PLEKHA5: variants seen among roughly 807,000 people sequenced by gnomAD.
PLEKHA5 encodes pleckstrin homology domain containing A5.
Under a neutral mutation model 181.9 loss-of-function variants are expected in PLEKHA5, and 55 were observed. The ratio of observed to expected loss-of-function variants is 0.30; its 90% CI spans 0.24 to 0.38. The LOEUF is 0.38. Among genes scored for constraint, PLEKHA5 ranks in the 10% least tolerant of loss-of-function variants. The pLI, the probability that PLEKHA5 is intolerant of heterozygous loss-of-function variation, is 1.00. For synonymous variants in PLEKHA5, 535 were observed against 529.4 expected, an observed-to-expected ratio of 1.01 and a Z score of -0.15; for missense variants, 1,432 against 1,549.5, an observed-to-expected ratio of 0.92 and a Z score of 1.27.
intron 29 of PLEKHA5, among the ~76,000 whole-genome samples, chr12:19,364,289 A>T (rs913265015): frequency 6.6e-6 from 1 of 151,990 alleles, no homozygotes; most frequent in Non-Finnish European, 1.5e-5. Flanking sequence ...GGGCAGATCA[A>T]TTGAGGTCAG....
At position 19,360,858 on chromosome 12, in the gene PLEKHA5, T is replaced by C. The variant is rs188636400; in HGVS notation, c.3484-724T>C. Among the ~76,000 whole-genome samples the C allele has an allele frequency of 6.8e-3, 1,026 of 151,768 alleles. 10 individuals carry two copies. Among genetic ancestry groups the C allele is most frequent in the African/African-American group, 0.023 (972 of 41,468 alleles). Reference sequence around the variant, plus strand: ...GCAACCTCTGCCTCCCAGGTTCAAGTGATTCTCCTGCCTTAGCCTCCCAAG... The same window carrying C: ...GCAACCTCTGCCTCCCAGGTTCAAGCGATTCTCCTGCCTTAGCCTCCCAAG... On this transcript the variant is annotated intron_variant, in intron 28 of 31. Coordinates refer to ENST00000429027, the MANE Select transcript of PLEKHA5 (RefSeq NM_001256470.2).
intron 15 of PLEKHA5, among the ~76,000 whole-genome samples, chr12:19,297,879 A>G (rs2080314685): frequency 1.3e-5 from 2 of 152,022 alleles, no homozygotes; most frequent in African/African-American, 4.8e-5. Context: ...TTTTTTAAAA[A>G]ACAATTATCA....
intron 10 of PLEKHA5, among the ~76,000 whole-genome samples, chr12:19,273,467 T>A (rs2152729842): frequency 6.6e-6 from 1 of 152,180 alleles, no homozygotes; most frequent in Middle Eastern, 3.4e-3. Context: ...TTTCCACACG[T>A]CATAAACATT....
At chr12:19,333,245 G>A (rs1013189023) in intron 20 of PLEKHA5, among the ~76,000 whole-genome samples, 5 of 151,560 alleles carry the variant, frequency 3.3e-5, no homozygotes, top group South Asian at 4.2e-4. Context: ...AGATCGCACC[G>A]TTACACTCCA....
At chr12:19,254,953 G>A (rs2066450329) in intron 4 of PLEKHA5, 92 bp from the exon 5 acceptor site, 1 of 1,094,462 alleles carries the variant, frequency 9.1e-7, no homozygotes, top group African/African-American at 1.6e-5. Context: ...CTGTGAAAAA[G>A]TAGGACACTC....
rs189946551 is a variant in PLEKHA5 at position 19,185,467 on chromosome 12, G to A, written c.227+53017G>A. On this transcript the variant is annotated intron_variant, in intron 3 of 31. Coordinates refer to ENST00000429027, the MANE Select transcript of PLEKHA5 (RefSeq NM_001256470.2). Reference sequence around the variant, plus strand: ...GCTGTCCTCATGGGGCAATAACAGAGAGAAAGACAGAGAGAGGAGGGGTAG... The same window carrying A: ...GCTGTCCTCATGGGGCAATAACAGAAAGAAAGACAGAGAGAGGAGGGGTAG... Among the ~76,000 whole-genome samples the A allele has an allele frequency of 1.5e-4, 23 of 152,228 alleles. No individual in the cohort carries two copies. The East Asian group carries it at 4.1e-3, about 27-fold the overall frequency.
At chr12:19,354,524 G>T in intron 26 of PLEKHA5, among the ~76,000 whole-genome samples, 1 of 127,564 alleles carries the variant, frequency 7.8e-6, no homozygotes, top group African/African-American at 3.0e-5. Flanking sequence ...TCTCTCGCCT[G>T]GGCTGGAGTG....
At position 19,322,612 on chromosome 12, in the gene PLEKHA5, A is replaced by G. The variant is rs2091147996; in HGVS notation, c.2393A>G (p.Asp798Gly). 6.2e-7 allele frequency: 1 copy of G among 1,613,902 alleles called. No individual in the cohort carries two copies. Among genetic ancestry groups the G allele is most frequent in the Non-Finnish European group, 8.5e-7 (1 of 1,179,806 alleles). ...ATTCAGACAGTGGTGTTACAAAGGG[A>G]TGATTTACAAAATGGACTGCTTAGT... Reference protein sequence around the residue: ...AAIQTVVLQRDDLQNGLLSTC... With the variant: ...AAIQTVVLQRGDLQNGLLSTC... Residue 798 changes from aspartate (D) to glycine (G), a missense_variant, in exon 20 of 32, where the codon GAT becomes GGT. Physicochemically the swap from Asp to Gly is moderately conservative, Grantham distance 94. Coordinates refer to ENST00000429027, the MANE Select transcript of PLEKHA5 (RefSeq NM_001256470.2).
chr12:19,360,263 G>A lies in PLEKHA5; in HGVS notation c.3483+717G>A, dbSNP rs570510384. Among the ~76,000 whole-genome samples, 13 of 151,396 alleles carry A rather than the reference G, an allele frequency of 8.6e-5. No homozygotes were observed. The South Asian group carries it at 2.3e-3, about 27-fold the overall frequency. On this transcript the variant is annotated intron_variant, in intron 28 of 31. Transcript: ENST00000429027. ...TGGGAGGATCACCTGAGCCCAAGTC[G>A]CAGTGAGTAGAGATGGGCCACAGAG...
At chr12:19,250,555 C>T (rs919639028) in intron 3 of PLEKHA5, among the ~76,000 whole-genome samples, 3 of 151,832 alleles carry the variant, frequency 2.0e-5, no homozygotes, top group African/African-American at 4.8e-5. Context: ...TGCACTCCAG[C>T]CTGGGCAACA....
chr12:19,313,387 T>C, intron 15 of PLEKHA5, among the ~76,000 whole-genome samples: 1 of 152,162 alleles, frequency 6.6e-6, no homozygotes, highest in Non-Finnish European at 1.5e-5. Context: ...AATTTTTTGT[T>C]TAACTGATGT....
chr12:19,148,420 C>T (rs1052971159), intron 3 of PLEKHA5, among the ~76,000 whole-genome samples: 1 of 152,206 alleles, frequency 6.6e-6, no homozygotes, highest in East Asian at 1.9e-4. Context: ...CATGCTCAGG[C>T]ACGTACTGCT....
At chr12:19,284,234 A>G (rs1221764482) in intron 12 of PLEKHA5, among the ~76,000 whole-genome samples, 1 of 151,792 alleles carries the variant, frequency 6.6e-6, no homozygotes, top group African/African-American at 2.4e-5. Flanking sequence ...ACACCTGGCT[A>G]ATTTTTGTAT....
rs1283302586 is a variant in PLEKHA5 at position 19,290,763 on chromosome 12, C to T, written c.1950C>T (p.Leu650=). The change falls in exon 14 of 32, where the codon CTC becomes CTT. Residue 650 remains leucine, a synonymous_variant. Transcript: ENST00000429027. ...TCCGGGAGCATACGTTAGCACAGCT[C>T]ATGCAGCTAAAGCTTGAGGCCCACA... ...SSIREHTLAQ[L]MQLKLEAHSP... 1.3e-6 allele frequency: 2 copies of T among 1,535,592 alleles called. No individual in the cohort carries two copies. The highest frequency in any genetic ancestry group is 2.4e-5 in the East Asian group (1 of 40,896).
intron 3 of PLEKHA5, among the ~76,000 whole-genome samples, chr12:19,246,444 G>A (rs531527753): frequency 6.6e-6 from 1 of 151,822 alleles, no homozygotes; most frequent in Non-Finnish European, 1.5e-5. Flanking sequence ...CTATGATGGT[G>A]AAACCGCATC....
At chr12:19,342,300 A>G (rs73065161) in intron 21 of PLEKHA5, among the ~76,000 whole-genome samples, 12,023 of 152,138 alleles carry the variant, frequency 0.079, 540 homozygotes, top group African/African-American at 0.12. Context: ...GAGAAAACCA[A>G]TGTAATCTTA....
At chr12:19,239,267 G>A (rs756063942) in intron 3 of PLEKHA5, among the ~76,000 whole-genome samples, 2 of 152,130 alleles carry the variant, frequency 1.3e-5, no homozygotes, top group Non-Finnish European at 2.9e-5. Context: ...AGCATGCCCT[G>A]CGTTGTACTC....
At chr12:19,151,660 T>A (rs560700197) in intron 3 of PLEKHA5, 5 of 152,272 alleles carry the variant, frequency 3.3e-5, no homozygotes, top group South Asian at 4.1e-4. Context: ...AGTATTTTTT[T>A]ATTAGAAATG....
intron 3 of PLEKHA5, among the ~76,000 whole-genome samples, chr12:19,169,725 A>C (rs1591905384): frequency 6.6e-6 from 1 of 152,206 alleles, no homozygotes; most frequent in Non-Finnish European, 1.5e-5. Flanking sequence ...TTATCCTGCA[A>C]ACCATCATTG....
Sources: gnomAD v4.1 joint callset for allele counts (sites outside exome capture counted in the v4.1 genomes callset) on GRCh38, gnomAD v4.1.1 for gene constraint, MANE v1.5 for transcripts, NCBI Gene and HGNC (gene_info 2026-07-23, HGNC 2026-07-21) for gene names.